PCDH15: variants seen among roughly 807,000 people sequenced by gnomAD.
PCDH15 encodes the protein protocadherin related 15.
PCDH15 carries 129 observed loss-of-function variants against 178.5 expected under a neutral mutation model. That is an observed-to-expected ratio of 0.72 (90% CI 0.63 to 0.84). PCDH15 has a LOEUF of 0.84. Among genes scored for constraint, PCDH15 ranks in the 40% least tolerant of loss-of-function variants. The pLI, the probability that PCDH15 is intolerant of heterozygous loss-of-function variation, is 0.00. For synonymous variants in PCDH15, 800 were observed against 732.0 expected, an observed-to-expected ratio of 1.09 and a Z score of -1.50; for missense variants, 2,230 against 2,099.9, an observed-to-expected ratio of 1.06 and a Z score of -1.21.
At chr10:54,877,810 A>G (rs1422251485) in intron 3 of PCDH15, among the ~76,000 whole-genome samples, 1 of 152,112 alleles carries the variant, frequency 6.6e-6, no homozygotes, top group Non-Finnish European at 1.5e-5. Flanking sequence ...TTTCCTGTGA[A>G]TTATACTAAC....
At chr10:53,965,247 A>T (rs766921479) in intron 21 of PCDH15, among the ~76,000 whole-genome samples, 6 of 151,966 alleles carry the variant, frequency 3.9e-5, no homozygotes, top group Non-Finnish European at 7.4e-5. Context: ...TTTAGTAGAG[A>T]TAGGGTTTCA....
At chr10:53,850,775 C>T (rs898211733) in intron 28 of PCDH15, among the ~76,000 whole-genome samples, 20 of 152,118 alleles carry the variant, frequency 1.3e-4, no homozygotes, top group African/African-American at 2.4e-5. Flanking sequence ...TGGCAATTCT[C>T]TGTTGATAAT....
chr10:54,244,757 C>A (rs1221193549), intron 8 of PCDH15, among the ~76,000 whole-genome samples: 3 of 152,190 alleles, frequency 2.0e-5, no homozygotes, highest in African/African-American at 4.8e-5. Context: ...TTCACCTCCC[C>A]TTCATTCCCA....
At chr10:55,530,652 C>A (rs532503082) in intron 2 of PCDH15, among the ~76,000 whole-genome samples, 1 of 151,970 alleles carries the variant, frequency 6.6e-6, no homozygotes, top group Non-Finnish European at 1.5e-5. Flanking sequence ...GGAAACTGTT[C>A]CCCATGATAA....
chr10:54,850,053 A>G (rs138971355), intron 3 of PCDH15, among the ~76,000 whole-genome samples: 2 of 152,270 alleles, frequency 1.3e-5, no homozygotes, highest in Non-Finnish European at 2.9e-5. Flanking sequence ...CAATCTATGG[A>G]TAATAAATTC....
At chr10:54,937,080 A>G (rs1591794463) in intron 2 of PCDH15, among the ~76,000 whole-genome samples, 1 of 152,000 alleles carries the variant, frequency 6.6e-6, no homozygotes, top group African/African-American at 2.4e-5. Context: ...ACTTGTCTCC[A>G]TATCACTTCT....
At position 55,163,004 on chromosome 10, in the gene PCDH15, A is replaced by T. The variant is rs148438986; in HGVS notation, c.-80+3572T>A. 5.8e-4 allele frequency among the ~76,000 whole-genome samples: 88 copies of T among 152,202 alleles called. No individual in the cohort carries two copies. The East Asian group carries it at 0.017, about 29-fold the overall frequency. ...TCTACAGACTTTTGCATTTCTGACA[A>T]CCTGATGACTCCACCCAGGCCAGGG... On this transcript the variant is annotated intron_variant, in intron 2 of 5. Coordinates refer to the PCDH15 transcript ENST00000458638.
intron 5 of PCDH15, among the ~76,000 whole-genome samples, chr10:54,365,426 T>C (rs1372121483): frequency 1.3e-5 from 2 of 152,236 alleles, no homozygotes; most frequent in East Asian, 3.9e-4. Flanking sequence ...TTCCTTCCTG[T>C]CTGCCTCAGG....
At chr10:55,003,253 G>A (rs975615100) in intron 2 of PCDH15, among the ~76,000 whole-genome samples, 8 of 152,156 alleles carry the variant, frequency 5.3e-5, no homozygotes, top group African/African-American at 1.9e-4. Flanking sequence ...CTTCCAGGGA[G>A]TTCATGAAAA....
intron 2 of PCDH15, among the ~76,000 whole-genome samples, chr10:55,149,965 G>A (rs1345370297): frequency 2.0e-5 from 3 of 151,580 alleles, no homozygotes; most frequent in African/African-American, 7.3e-5. Context: ...AACACATGCT[G>A]GAAAAGCTAG....
chr10:54,353,433 T>C (rs900810399), intron 5 of PCDH15, among the ~76,000 whole-genome samples: 4 of 152,164 alleles, frequency 2.6e-5, no homozygotes, highest in Middle Eastern at 3.2e-3. Flanking sequence ...ATATTCAGTA[T>C]GTTGAGTTTT....
intron 1 of PCDH15, among the ~76,000 whole-genome samples, chr10:55,178,483 C>T (rs183908344): frequency 1.9e-4 from 29 of 152,240 alleles, no homozygotes; most frequent in Non-Finnish European, 3.1e-4. Flanking sequence ...CTTCACCAAG[C>T]CTTCCACCTA....
intron 2 of PCDH15, among the ~76,000 whole-genome samples, chr10:55,332,578 G>A (rs1844230782): frequency 6.6e-6 from 1 of 152,080 alleles, no homozygotes; most frequent in Non-Finnish European, 1.5e-5. Context: ...GTATCTTGCT[G>A]ACATGGTTTG....
intron 14 of PCDH15, among the ~76,000 whole-genome samples, chr10:54,147,491 C>T (rs2044105708): frequency 6.6e-6 from 1 of 151,610 alleles, no homozygotes; most frequent in African/African-American, 2.4e-5. Flanking sequence ...ATATGTCTTA[C>T]AAATAGAAAC....
chr10:55,310,125 C>T (rs369442131), intron 1 of PCDH15, among the ~76,000 whole-genome samples: 56 of 152,284 alleles, frequency 3.7e-4, no homozygotes, highest in African/African-American at 1.3e-3. Flanking sequence ...ATGTTCTTCT[C>T]ATCGTTTAAT....
At chr10:54,125,906 A>C (rs1042076375) in intron 15 of PCDH15, among the ~76,000 whole-genome samples, 1 of 152,060 alleles carries the variant, frequency 6.6e-6, no homozygotes, top group Non-Finnish European at 1.5e-5. Flanking sequence ...TAAAATAATA[A>C]AGTGGAATTT....
chr10:54,123,738 G>A (rs1024451175), intron 15 of PCDH15, among the ~76,000 whole-genome samples: 1 of 152,032 alleles, frequency 6.6e-6, no homozygotes. Context: ...TGATAGCAAG[G>A]ACATGGAATC....
intron 2 of PCDH15, among the ~76,000 whole-genome samples, chr10:55,505,124 T>C (rs1840734160): frequency 6.6e-6 from 1 of 151,312 alleles, no homozygotes; most frequent in African/African-American, 2.4e-5. Context: ...TATGAACTAA[T>C]GAGAAGACAC....
At chr10:54,930,309 G>C (rs559178007) in intron 2 of PCDH15, among the ~76,000 whole-genome samples, 16 of 152,222 alleles carry the variant, frequency 1.1e-4, no homozygotes, top group African/African-American at 3.9e-4. Flanking sequence ...ACCTCCTCAA[G>C]CCAGTCTATA....
Sources: allele counts gnomAD v4.1 joint callset (sites outside exome capture counted in the v4.1 genomes callset), GRCh38; gene constraint gnomAD v4.1.1; transcripts MANE v1.5; gene names NCBI Gene and HGNC (gene_info 2026-07-23, HGNC 2026-07-21).